Variants in ARL15 observed in about 807,000 individuals in gnomAD.
The protein encoded by ARL15 is ARF like GTPase 15.
A neutral mutation model predicts 25.2 loss-of-function variants in ARL15; 19 were observed. The ratio of observed to expected loss-of-function variants is 0.75; its 90% confidence interval spans 0.53 to 1.10. The LOEUF (loss-of-function observed/expected upper bound fraction) is 1.10, where lower values mean the gene tolerates loss of function less well. ARL15 is among the 50% of genes least tolerant of loss of function. ARL15 has a pLI of 0.00. For synonymous variants in ARL15, 94 were observed against 86.8 expected (o/e 1.08, Z -0.46); for missense variants, 220 against 246.0 (o/e 0.89, Z 0.71).
At chr5:54,296,645 T>C (rs1758472444) in intron 1 of ARL15, among the ~76,000 whole-genome samples, 1 of 152,244 alleles carries the variant, frequency 6.6e-6, no homozygotes, top group Non-Finnish European at 1.5e-5. Flanking sequence ...GAGGCTGGGT[T>C]ATGGCTAGCA....
intron 4 of ARL15, among the ~76,000 whole-genome samples, chr5:53,937,190 C>A (rs1746376180): frequency 1.3e-5 from 2 of 152,130 alleles, no homozygotes; most frequent in African/African-American, 4.8e-5. Context: ...ACAAAATGGG[C>A]CTTCCATTCC....
intron 1 of ARL15, among the ~76,000 whole-genome samples, chr5:54,297,617 T>G (rs1380509298): frequency 1.3e-5 from 2 of 152,226 alleles, no homozygotes; most frequent in East Asian, 3.8e-4. Context: ...GAAATAATTT[T>G]TAGTTTTCCC....
chr5:54,152,206 T>C (rs1754087842), intron 3 of ARL15, among the ~76,000 whole-genome samples: 1 of 152,100 alleles, frequency 6.6e-6, no homozygotes, highest in Admixed American at 6.6e-5. Context: ...CTCCCAGAAA[T>C]TCTCAGTCAA....
intron 1 of ARL15, among the ~76,000 whole-genome samples, chr5:54,211,696 T>TCCTGACCTCAGGTGATCCGACCG (rs1756047313): frequency 6.6e-6 from 1 of 152,096 alleles, no homozygotes; most frequent in African/African-American, 2.4e-5. Flanking sequence ...GGTCTTGAAC[T>TCCTGACCTCAGGTGATCCGACCG]CCTGACCTCA....
In ARL15 at chr5:54,262,154, C is replaced by T. The variant is rs540172923; in HGVS notation, c.48+48278G>A. Among the ~76,000 whole-genome samples, 32 of 152,162 alleles carry T rather than the reference C, an allele frequency of 2.1e-4. No homozygotes were observed. In the Middle Eastern group the frequency reaches 0.01, roughly 49 times the overall value. ...TTCTGTATATAAAACATCACCCTCC[C>T]ACACACAATCCTAGATTAAAATATA... On this transcript the variant is annotated intron_variant, in intron 1 of 4. Coordinates refer to ENST00000504924, the MANE Select transcript of ARL15 (RefSeq NM_019087.3).
chr5:54,056,887 C>T (rs537647712), intron 4 of ARL15, among the ~76,000 whole-genome samples: 9 of 152,202 alleles, frequency 5.9e-5, no homozygotes, highest in African/African-American at 1.7e-4. Flanking sequence ...ATACCTAGCT[C>T]ACAGATCAGC....
intron 2 of ARL15, among the ~76,000 whole-genome samples, chr5:54,165,167 G>T (rs1397442236): frequency 6.6e-6 from 1 of 151,964 alleles, no homozygotes; most frequent in African/African-American, 2.4e-5. Flanking sequence ...TTGTGCTATT[G>T]TTCTCAGGCA....
chr5:53,913,983 C>T (rs1293298510), intron 4 of ARL15, among the ~76,000 whole-genome samples: 1 of 152,168 alleles, frequency 6.6e-6, no homozygotes, highest in East Asian at 1.9e-4. Context: ...CTCCTGAAAT[C>T]ACAGCACCTG....
At chr5:54,047,929 CAT>C (rs1270666767) in intron 4 of ARL15, 2 of 152,122 alleles carry the variant, frequency 1.3e-5, no homozygotes, top group Admixed American at 6.5e-5. Flanking sequence ...TACTGGTTCA[CAT>C]GTCTTGTTTT....
chr5:54,176,839 T>C (rs1430698877), intron 1 of ARL15, among the ~76,000 whole-genome samples: 1 of 152,174 alleles, frequency 6.6e-6, no homozygotes, highest in East Asian at 1.9e-4. Context: ...CATTGCGATT[T>C]TCATTTTTCC....
intron 4 of ARL15, among the ~76,000 whole-genome samples, chr5:53,896,807 T>A (rs1418772173): frequency 1.3e-5 from 2 of 152,174 alleles, no homozygotes; most frequent in Non-Finnish European, 2.9e-5. Flanking sequence ...CAAACTTGGG[T>A]TGCTTTTCAA....
intron 1 of ARL15, among the ~76,000 whole-genome samples, chr5:54,256,442 A>G (rs1339430998): frequency 6.6e-6 from 1 of 150,732 alleles, no homozygotes; most frequent in East Asian, 1.9e-4. Context: ...AAGCCAACAA[A>G]AAAAAATCAC....
intron 4 of ARL15, chr5:53,887,515 G>T: frequency 1.7e-6 from 1 of 594,606 alleles, no homozygotes; most frequent in Non-Finnish European, 3.0e-6. Context: ...ACCAATTCCT[G>T]GCTGTGAATA....
intron 4 of ARL15, among the ~76,000 whole-genome samples, chr5:53,939,082 TACTTCCCTCA>T (rs1284262509): frequency 6.6e-6 from 1 of 152,196 alleles, no homozygotes; most frequent in East Asian, 1.9e-4. Flanking sequence ...TTCTAGAACA[TACTTCCCTCA>T]ACTACCCAAA....
At chr5:54,245,182 T>A (rs1405259409) in intron 1 of ARL15, among the ~76,000 whole-genome samples, 3 of 152,202 alleles carry the variant, frequency 2.0e-5, no homozygotes. Context: ...TCTTTAAGAA[T>A]GTTTTATAAT....
chr5:54,099,561 T>C (rs586405), intron 4 of ARL15, among the ~76,000 whole-genome samples: 30,995 of 152,060 alleles, frequency 0.2, 3,906 homozygotes, highest in East Asian at 0.68. Context: ...CAAAGGAATA[T>C]AAATATATTC....
intron 1 of ARL15, among the ~76,000 whole-genome samples, chr5:54,277,711 C>G (rs1757960865): frequency 6.6e-6 from 1 of 151,922 alleles, no homozygotes; most frequent in Non-Finnish European, 1.5e-5. Context: ...GAGATCGTGC[C>G]ACTGCACTCC....
intron 4 of ARL15, among the ~76,000 whole-genome samples, chr5:54,035,762 A>G (rs1750147966): frequency 6.6e-6 from 1 of 152,188 alleles, no homozygotes; most frequent in Non-Finnish European, 1.5e-5. Context: ...TTGTTTTAAT[A>G]GAGTCATATT....
At chr5:54,105,526 T>C (rs941914065) in intron 4 of ARL15, among the ~76,000 whole-genome samples, 2 of 152,238 alleles carry the variant, frequency 1.3e-5, no homozygotes, top group Admixed American at 1.3e-4. Flanking sequence ...TTTTTTAAAA[T>C]CCTTCTAAGT....
Sources: allele counts gnomAD v4.1 joint callset (sites outside exome capture counted in the v4.1 genomes callset), GRCh38; gene constraint gnomAD v4.1.1; transcripts MANE v1.5; gene names NCBI Gene and HGNC (gene_info 2026-07-23, HGNC 2026-07-21).